The following PPP1R12B variants were observed in gnomAD, a reference collection of about 807,000 sequenced individuals.
The protein encoded by PPP1R12B is myosin phosphatase target subunit 2.
A neutral mutation model predicts 126.1 loss-of-function variants in PPP1R12B; 76 were observed. That is an observed-to-expected ratio of 0.60 (90% CI 0.50 to 0.73). The LOEUF is 0.73. PPP1R12B is among the 30% of genes least tolerant of loss of function. PPP1R12B has a pLI of 0.00. For missense variants in PPP1R12B, 1,052 were observed against 1,205.1 expected, an observed-to-expected ratio of 0.87 and a Z score of 1.88; for synonymous variants, 356 against 434.7, an observed-to-expected ratio of 0.82 and a Z score of 2.25.
rs527759670 is a variant in PPP1R12B, at chr1:202,445,327, A to G, written c.1667+2755A>G. 205 of 987,454 alleles carry G rather than the reference A, an allele frequency of 2.1e-4. No individual in the cohort carries two copies. The African/African-American group carries it at 2.5e-3, about 12-fold the overall frequency. The allele number at this position is 987,454 out of a possible 1,614,324, so 61.2% of individuals were successfully genotyped here. On this transcript the variant is annotated intron_variant, in intron 12 of 23. Transcript: ENST00000608999. ...CCAAAGAGACTTTATCACTATAAAAACAAGTTAGAACTCCTGAGAAAATGT... is the reference window on the plus strand; with the variant it reads ...CCAAAGAGACTTTATCACTATAAAAGCAAGTTAGAACTCCTGAGAAAATGT...
At chr1:202,566,197 C>T (rs984045756) in intron 21 of PPP1R12B, among the ~76,000 whole-genome samples, 17 of 152,206 alleles carry the variant, frequency 1.1e-4, no homozygotes, top group African/African-American at 4.1e-4. Context: ...AGTGAGCAGT[C>T]TAACAAGCTG....
In PPP1R12B at chr1:202,495,259, A is replaced by G. The variant is rs771499976; in HGVS notation, c.2146-34A>G. ...TGTCCTTACTCTTTAGATGGACTTG[A>G]TTTCTAATATCTCATATTGTGGATT... On this transcript the variant is annotated intron_variant, in intron 15 of 23. Transcript: ENST00000608999. 3.3e-6 allele frequency: 5 copies of G among 1,507,632 alleles called. No individual in the cohort carries two copies. The South Asian group carries it at 4.1e-5, about 12-fold the overall frequency. 93.4% of individuals were successfully genotyped at this position (1,507,632 alleles called of 1,614,324 possible). A position where few individuals can be genotyped will look rare whatever the true frequency, so the allele number is the denominator to read the frequency against.
intron 1 of PPP1R12B, among the ~76,000 whole-genome samples, chr1:202,390,663 T>C (rs1254170503): frequency 7.4e-4 from 38 of 51,494 alleles, no homozygotes; most frequent in Non-Finnish European, 1.6e-3. Flanking sequence ...CACATCCAGC[T>C]TTTTTTTTTT....
chr1:202,353,824 G>T (rs1656523161), intron 1 of PPP1R12B, among the ~76,000 whole-genome samples: 2 of 151,958 alleles, frequency 1.3e-5, no homozygotes, highest in Admixed American at 1.3e-4. Context: ...TGTTGCCAGG[G>T]CTGATCTTGA....
chr1:202,439,769 T>C (rs1456439482), intron 10 of PPP1R12B: 2 of 499,856 alleles, frequency 4.0e-6, no homozygotes, highest in Admixed American at 6.5e-5. Context: ...GAGGGGGACC[T>C]CATTCCTTCA....
At chr1:202,488,143 T>C (rs1233734414) in intron 13 of PPP1R12B, among the ~76,000 whole-genome samples, 1 of 152,230 alleles carries the variant, frequency 6.6e-6, no homozygotes, top group African/African-American at 2.4e-5. Flanking sequence ...TACTTGAACA[T>C]AAACACCGTG....
Position 202,569,179 on chromosome 1 carries a change from A to T in PPP1R12B, c.2844A>T (p.Glu948Asp), listed in dbSNP as rs781721137. Reference protein sequence around the residue: ...ERRALERKMSEMEEEMKVLTE... With the variant: ...ERRALERKMSDMEEEMKVLTE... ...GAGCCTTGGAGCGCAAAATGTCAGA[A>T]ATGGAGGAAGAAATGAAGGTATGAA... The change falls in exon 23 of 24, where the codon GAA becomes GAT. Residue 948 changes from glutamate to aspartate, a missense_variant. Glu to Asp is a conservative substitution (Grantham distance 45). Coordinates refer to ENST00000608999, the MANE Select transcript of PPP1R12B (RefSeq NM_002481.4). 4.6e-5 allele frequency: 75 copies of T among 1,613,344 alleles called. No homozygotes were observed. The highest frequency in any genetic ancestry group is 5.7e-5 in the Non-Finnish European group (67 of 1,179,458).
chr1:202,397,617 G>T (rs540306017), intron 1 of PPP1R12B, among the ~76,000 whole-genome samples: 128 of 152,254 alleles, frequency 8.4e-4, no homozygotes, highest in African/African-American at 3.0e-3. Flanking sequence ...TGGAAGAAAG[G>T]ATGGCATTAT....
intron 1 of PPP1R12B, among the ~76,000 whole-genome samples, chr1:202,357,705 A>G (rs1449450873): frequency 6.6e-6 from 1 of 152,196 alleles, no homozygotes; most frequent in East Asian, 1.9e-4. Context: ...CCCACTCATT[A>G]GCACTTCCAC....
At chr1:202,474,140 A>T (rs1433255942) in intron 13 of PPP1R12B, among the ~76,000 whole-genome samples, 1 of 152,118 alleles carries the variant, frequency 6.6e-6, no homozygotes, top group East Asian at 1.9e-4. Context: ...AAAGGTGGGA[A>T]CCCCAGCATT....
intron 1 of PPP1R12B, among the ~76,000 whole-genome samples, chr1:202,384,312 A>G (rs1473658133): frequency 3.9e-5 from 6 of 152,258 alleles, no homozygotes; most frequent in East Asian, 3.8e-4. Flanking sequence ...ATGTCCATCA[A>G]CTGATGAACG....
intron 1 of PPP1R12B, among the ~76,000 whole-genome samples, chr1:202,354,006 C>T (rs565701816): frequency 7.9e-5 from 12 of 152,184 alleles, no homozygotes; most frequent in African/African-American, 2.9e-4. Context: ...AATAGGCAAC[C>T]TGTCAATATA....
chr1:202,525,807 C>T (rs1683273384), intron 18 of PPP1R12B, among the ~76,000 whole-genome samples: 1 of 152,064 alleles, frequency 6.6e-6, no homozygotes. Flanking sequence ...AAGTGATTCT[C>T]CTGCCTCAGC....
At chr1:202,407,240 G>A (rs1000746275) in intron 1 of PPP1R12B, among the ~76,000 whole-genome samples, 2 of 152,234 alleles carry the variant, frequency 1.3e-5, no homozygotes, top group Non-Finnish European at 1.5e-5. Context: ...TTGAAGCGAA[G>A]GGCTTATTAG....
At chr1:202,360,837 G>C (rs1208461450) in intron 1 of PPP1R12B, among the ~76,000 whole-genome samples, 4 of 151,722 alleles carry the variant, frequency 2.6e-5, no homozygotes, top group African/African-American at 9.7e-5. Context: ...TATTTTCCGT[G>C]ATTGGCAGTG....
At chr1:202,413,631 AAT>A (rs1375072465) in intron 1 of PPP1R12B, among the ~76,000 whole-genome samples, 1 of 152,208 alleles carries the variant, frequency 6.6e-6, no homozygotes, top group African/African-American at 2.4e-5. Flanking sequence ...AAATTTTTAA[AAT>A]ATGTAGTTAT....
intron 18 of PPP1R12B, among the ~76,000 whole-genome samples, chr1:202,525,612 C>T (rs74891114): frequency 5.5e-3 from 659 of 119,448 alleles, no homozygotes; most frequent in Middle Eastern, 8.5e-3. Context: ...TTTTTTTTTT[C>T]TTTTTTTTTT....
Position 202,532,860 on chromosome 1 carries a change from CT to C in PPP1R12B, c.2491-25991del, listed in dbSNP as rs375983770. On this transcript the variant is annotated intron_variant, in intron 18 of 23. Transcript: ENST00000608999. ...ACCCTTTACCTAGAGATCACATTCACTTTTTTTTTTTTTTTTTTTTTTTTTT... is the reference window on the plus strand; with the variant it reads ...ACCCTTTACCTAGAGATCACATTCACTTTTTTTTTTTTTTTTTTTTTTTTT... Among the ~76,000 whole-genome samples the C allele has an allele frequency of 9.8e-3, 921 of 93,810 alleles. 1 individual carries two copies. Among genetic ancestry groups the C allele is most frequent in the African/African-American group, 0.032 (725 of 22,342 alleles). The allele number at this position is 93,810 out of a possible 152,430, so 61.5% of individuals were successfully genotyped here.
chr1:202,583,669 A>T lies in PPP1R12B; in HGVS notation c.*3109A>T, dbSNP rs1327883466. On this transcript the variant is annotated 3_prime_UTR_variant, in exon 24 of 24. Transcript: ENST00000608999. Reference sequence around the variant, plus strand: ...GCAGTTCTCTCTGGATACTGGCATCAGCAGGTCTCCTTTTTCTTGTGCTGC... The same window carrying T: ...GCAGTTCTCTCTGGATACTGGCATCTGCAGGTCTCCTTTTTCTTGTGCTGC... The T allele has an allele frequency of 6.6e-6, 1 of 152,226 alleles. No individual in the cohort carries two copies. Among genetic ancestry groups the T allele is most frequent in the Admixed American group, 6.5e-5 (1 of 15,286 alleles). 9.4% of individuals were successfully genotyped at this position (152,226 alleles called of 1,614,324 possible). A position where few individuals can be genotyped will look rare whatever the true frequency, so the allele number is the denominator to read the frequency against.
Sources: allele counts gnomAD v4.1 joint callset (sites outside exome capture counted in the v4.1 genomes callset), GRCh38; gene constraint gnomAD v4.1.1; transcripts MANE v1.5; gene names NCBI Gene and HGNC (gene_info 2026-07-23, HGNC 2026-07-21).